The following ENOX1 variants were observed in gnomAD, a reference collection of about 807,000 sequenced individuals.
ENOX1 encodes the protein ecto-NOX disulfide-thiol exchanger 1.
ENOX1 carries 42 observed loss-of-function variants against 82.5 expected under a neutral mutation model. The ratio of observed to expected loss-of-function variants is 0.51; its 90% confidence interval spans 0.40 to 0.66. The LOEUF (loss-of-function observed/expected upper bound fraction) is 0.66. Ranked by LOEUF, ENOX1 falls within the 30% of genes least tolerant of loss-of-function variation. ENOX1 has a pLI of 0.00. For missense variants in ENOX1, 608 were observed against 811.6 expected (o/e 0.75, Z 3.05); for synonymous variants, 271 against 282.2 (o/e 0.96, Z 0.40).
At chr13:43,533,148 G>A (rs2078302889) in intron 2 of ENOX1, among the ~76,000 whole-genome samples, 1 of 152,034 alleles carries the variant, frequency 6.6e-6, no homozygotes, top group Non-Finnish European at 1.5e-5. Context: ...AAATCCTAAA[G>A]GGCCTGGTGA....
intron 1 of ENOX1, among the ~76,000 whole-genome samples, chr13:43,721,768 T>C (rs1206910954): frequency 2.0e-5 from 3 of 152,170 alleles, no homozygotes; most frequent in East Asian, 1.9e-4. Context: ...ACAAATTAGA[T>C]AGACAGCCTG....
intron 2 of ENOX1, among the ~76,000 whole-genome samples, chr13:43,586,001 A>AT (rs1446133648): frequency 6.6e-6 from 1 of 152,256 alleles, no homozygotes; most frequent in African/African-American, 2.4e-5. Context: ...AATATGTATC[A>AT]TCTGAAATAT....
At chr13:43,549,478 A>G (rs2079100173) in intron 2 of ENOX1, among the ~76,000 whole-genome samples, 1 of 152,230 alleles carries the variant, frequency 6.6e-6, no homozygotes, top group Non-Finnish European at 1.5e-5. Flanking sequence ...TAACTAATTC[A>G]TCTCTAACTT....
At chr13:43,676,595 T>G (rs77551713) in intron 1 of ENOX1, among the ~76,000 whole-genome samples, 2,448 of 150,724 alleles carry the variant, frequency 0.016, 20 homozygotes, top group Middle Eastern at 0.035. Context: ...TTTGCAGACT[T>G]CCTCTCTGCT....
intron 3 of ENOX1, among the ~76,000 whole-genome samples, 195 bp from the exon 4 acceptor site, chr13:43,413,183 G>C (rs1015626254): frequency 6.6e-6 from 1 of 152,166 alleles, no homozygotes; most frequent in Non-Finnish European, 1.5e-5. Context: ...TGTGAGATGT[G>C]TGGGTCAACT....
intron 12 of ENOX1, among the ~76,000 whole-genome samples, chr13:43,274,835 C>G (rs971145024): frequency 1.3e-5 from 2 of 152,168 alleles, no homozygotes; most frequent in Non-Finnish European, 2.9e-5. Context: ...TTAATGGGAT[C>G]ATTTGTAATG....
At chr13:43,305,157 G>A (rs2046788704) in intron 11 of ENOX1, among the ~76,000 whole-genome samples, 1 of 152,056 alleles carries the variant, frequency 6.6e-6, no homozygotes, top group Admixed American at 6.5e-5. Flanking sequence ...GCACAGAGCT[G>A]GAAAGTATCC....
At chr13:43,516,092 G>A (rs998968517) in intron 2 of ENOX1, among the ~76,000 whole-genome samples, 5 of 152,094 alleles carry the variant, frequency 3.3e-5, no homozygotes, top group Admixed American at 6.5e-5. Context: ...AGCAGTCAGC[G>A]GGAACTCCAT....
chr13:43,335,738 T>C (rs1297002829), intron 9 of ENOX1, among the ~76,000 whole-genome samples: 1 of 146,828 alleles, frequency 6.8e-6, no homozygotes, highest in Non-Finnish European at 1.5e-5. Context: ...TCAGTGTATA[T>C]ATTTTCCACG....
intron 3 of ENOX1, among the ~76,000 whole-genome samples, chr13:43,478,795 T>C (rs1386653772): frequency 6.6e-6 from 1 of 152,200 alleles, no homozygotes; most frequent in East Asian, 1.9e-4. Flanking sequence ...TGAATTCTTC[T>C]CATTTTATTA....
At chr13:43,438,341 G>A (rs1474041342) in intron 3 of ENOX1, among the ~76,000 whole-genome samples, 5 of 152,108 alleles carry the variant, frequency 3.3e-5, no homozygotes, top group Admixed American at 6.5e-5. Context: ...CAGTGGCAGC[G>A]GAGATGAAGA....
At chr13:43,534,157 T>C (rs2078351130) in intron 2 of ENOX1, among the ~76,000 whole-genome samples, 1 of 152,162 alleles carries the variant, frequency 6.6e-6, no homozygotes, top group East Asian at 1.9e-4. Flanking sequence ...ACAAACACAC[T>C]TTAGATCCTC....
intron 2 of ENOX1, among the ~76,000 whole-genome samples, chr13:43,512,797 C>T (rs9590768): frequency 0.22 from 33,170 of 151,806 alleles, 3,947 homozygotes; most frequent in Middle Eastern, 0.28. Flanking sequence ...GATATCTTGG[C>T]GCAAATTGCT....
At chr13:43,465,103 G>A (rs1156473645) in intron 3 of ENOX1, among the ~76,000 whole-genome samples, 2 of 152,068 alleles carry the variant, frequency 1.3e-5, no homozygotes, top group Admixed American at 1.3e-4. Flanking sequence ...TTAAGATAAT[G>A]TTTACCAGGC....
At chr13:43,612,871 T>TATC (rs5803193) in intron 2 of ENOX1, among the ~76,000 whole-genome samples, 146,797 of 152,100 alleles carry the variant, frequency 0.97, 71,055 homozygotes, top group East Asian at 1. Flanking sequence ...CACTTCATCA[T>TATC]ATCAACAAAA....
intron 9 of ENOX1, among the ~76,000 whole-genome samples, chr13:43,341,344 G>A (rs1309788198): frequency 6.6e-6 from 1 of 151,992 alleles, no homozygotes; most frequent in Non-Finnish European, 1.5e-5. Flanking sequence ...ACTAGAAGAG[G>A]GTGGACCAGA....
chr13:43,535,570 G>A (rs931863385), intron 2 of ENOX1, among the ~76,000 whole-genome samples: 20 of 152,056 alleles, frequency 1.3e-4, no homozygotes, highest in Admixed American at 3.3e-4. Flanking sequence ...ATGACTTCTC[G>A]TGGACCTCAG....
rs528354214 is a variant in ENOX1, at chr13:43,441,842, T to G, written c.-74-28854A>C. Among the ~76,000 whole-genome samples, 3 of 149,176 alleles carry G rather than the reference T, an allele frequency of 2.0e-5. No individual in the cohort carries two copies. The East Asian group carries it at 5.9e-4, about 29-fold the overall frequency. ...TTTTTTTAGGAGCAAGAAAGAACACTTTTTTTTTTAAGCCATTAGAAATGT... is the reference window on the plus strand; with the variant it reads ...TTTTTTTAGGAGCAAGAAAGAACACGTTTTTTTTTAAGCCATTAGAAATGT... On this transcript the variant is annotated intron_variant, in intron 3 of 16. Transcript: ENST00000690772.
chr13:43,385,482 T>A (rs914503884), intron 5 of ENOX1, among the ~76,000 whole-genome samples: 1 of 152,092 alleles, frequency 6.6e-6, no homozygotes, highest in Non-Finnish European at 1.5e-5. Context: ...GAAATAGATA[T>A]GGTAAATTAA....
Sources: gnomAD v4.1 joint callset for allele counts (sites outside exome capture counted in the v4.1 genomes callset) on GRCh38, gnomAD v4.1.1 for gene constraint, MANE v1.5 for transcripts, NCBI Gene and HGNC (gene_info 2026-07-23, HGNC 2026-07-21) for gene names.